EPB41L4A: variants seen among roughly 807,000 people sequenced by gnomAD.
EPB41L4A encodes band 4.1-like protein 4A.
EPB41L4A carries 100 observed loss-of-function variants against 108.6 expected under a neutral mutation model. The ratio of observed to expected loss-of-function variants is 0.92; its 90% CI spans 0.78 to 1.09. The LOEUF is 1.09. EPB41L4A is among the 50% of genes least tolerant of loss of function. The pLI, the probability that EPB41L4A is intolerant of heterozygous loss-of-function variation, is 0.00. For synonymous variants in EPB41L4A, 319 were observed against 289.0 expected, an observed-to-expected ratio of 1.10 and a Z score of -1.05; for missense variants, 1,030 against 842.7, an observed-to-expected ratio of 1.22 and a Z score of -2.75.
At chr5:112,405,280 C>T (rs1762014383) in intron 1 of EPB41L4A, among the ~76,000 whole-genome samples, 1 of 152,158 alleles carries the variant, frequency 6.6e-6, no homozygotes, top group African/African-American at 2.4e-5. Context: ...GAGGGCTGCC[C>T]ATATCCACCA....
At chr5:112,160,190 A>G (rs915754811), downstream of EPB41L4A, among the ~76,000 whole-genome samples, 1 of 152,104 alleles carries the variant, frequency 6.6e-6, no homozygotes, top group Non-Finnish European at 1.5e-5. Context: ...GATTACAGGC[A>G]TGAGCCACCG....
downstream of EPB41L4A, chr5:112,161,314 G>A: frequency 2.8e-6 from 1 of 361,098 alleles, no homozygotes; most frequent in Non-Finnish European, 5.5e-6. Flanking sequence ...TCACGTTCGT[G>A]CAAGACCAGT....
chr5:112,182,744 G>A (rs1214623523), intron 18 of EPB41L4A, among the ~76,000 whole-genome samples: 1 of 151,864 alleles, frequency 6.6e-6, no homozygotes, highest in Non-Finnish European at 1.5e-5. Flanking sequence ...GCACCTTTTG[G>A]GTAAAGTCCT....
At chr5:112,291,428 A>C (rs1007259479) in intron 2 of EPB41L4A, among the ~76,000 whole-genome samples, 18 of 152,132 alleles carry the variant, frequency 1.2e-4, no homozygotes, top group Admixed American at 7.9e-4. Flanking sequence ...TTTATGATAT[A>C]TATTGGTTTT....
intron 12 of EPB41L4A, among the ~76,000 whole-genome samples, chr5:112,147,955 C>T (rs1759324942): frequency 6.6e-6 from 1 of 151,900 alleles, no homozygotes; most frequent in South Asian, 2.1e-4. Context: ...AGGAGAATTG[C>T]ATGAACCCAG....
downstream of EPB41L4A, among the ~76,000 whole-genome samples, chr5:112,158,845 A>G (rs1018738762): frequency 6.6e-6 from 1 of 151,842 alleles, no homozygotes; most frequent in Admixed American, 6.5e-5. Context: ...GGGAACTACA[A>G]TTCAAAATGA....
Position 112,184,031 on chromosome 5 carries a change from C to A in EPB41L4A, c.1607G>T (p.Arg536Ile). ...GTCCACATACGAACGAGATCTGTGTCTGGATCGCCTGTTGTTGGGGTCGGC... is the reference window on the plus strand; with the variant it reads ...GTCCACATACGAACGAGATCTGTGTATGGATCGCCTGTTGTTGGGGTCGGC... Reference protein sequence around the residue: ...NQADPNNRRSRHRSRSRSPDI... With the variant: ...NQADPNNRRSIHRSRSRSPDI... The change falls in exon 18 of 23, where the codon AGA (arginine) becomes ATA (isoleucine). Residue 536 changes from arginine (R) to isoleucine (I), a missense_variant. Arg to Ile is a moderately conservative substitution (Grantham distance 97). Transcript: ENST00000261486. 6.2e-7 allele frequency: 1 copy of A among 1,614,038 alleles called. No individual in the cohort carries two copies. Among genetic ancestry groups the A allele is most frequent in the Non-Finnish European group, 8.5e-7 (1 of 1,179,942 alleles).
intron 1 of EPB41L4A, among the ~76,000 whole-genome samples, chr5:112,400,328 T>G (rs374370092): frequency 4.2e-5 from 6 of 142,808 alleles, no homozygotes; most frequent in Admixed American, 3.3e-4. Flanking sequence ...CACGTGGGGA[T>G]TACAATTCGA....
intron 19 of EPB41L4A, 115 bp downstream of exon 19, chr5:112,170,830 C>A: frequency 1.1e-6 from 1 of 872,958 alleles, no homozygotes; most frequent in Non-Finnish European, 1.9e-6. Context: ...CACACAGTGG[C>A]AATGGCTTTG....
At chr5:112,213,783 T>G (rs1313038446) in intron 12 of EPB41L4A, among the ~76,000 whole-genome samples, 1 of 152,204 alleles carries the variant, frequency 6.6e-6, no homozygotes, top group Non-Finnish European at 1.5e-5. Flanking sequence ...GAAAAACCAC[T>G]TAGAAGCATT....
At chr5:112,209,077 A>G (rs4958015) in intron 13 of EPB41L4A, among the ~76,000 whole-genome samples, 118,919 of 152,154 alleles carry the variant, frequency 0.78, 47,134 homozygotes, top group East Asian at 1. Flanking sequence ...TATACTCCTC[A>G]AAGTAGCCAC....
At chr5:112,266,860 G>A (rs1179940878) in intron 4 of EPB41L4A, among the ~76,000 whole-genome samples, 1 of 152,166 alleles carries the variant, frequency 6.6e-6, no homozygotes, top group African/African-American at 2.4e-5. Context: ...GTCATGCACT[G>A]TTCTAAACAC....
chr5:112,391,814 A>T (rs1186260116), intron 1 of EPB41L4A, among the ~76,000 whole-genome samples: 1 of 152,196 alleles, frequency 6.6e-6, no homozygotes, highest in Non-Finnish European at 1.5e-5. Flanking sequence ...AAAAAATGTT[A>T]AGGGCAGTCA....
intron 10 of EPB41L4A, among the ~76,000 whole-genome samples, chr5:112,240,334 C>T (rs1471215043): frequency 2.0e-5 from 3 of 152,182 alleles, no homozygotes; most frequent in Non-Finnish European, 2.9e-5. Context: ...CCTTGTACAC[C>T]TAACTGACTT....
upstream of EPB41L4A, chr5:112,419,892 A>C (rs1270655771): frequency 4.4e-6 from 2 of 456,600 alleles, no homozygotes; most frequent in Non-Finnish European, 8.8e-6. Flanking sequence ...GCGGCGGAAT[A>C]CGGCTTCTTC....
intron 1 of EPB41L4A, among the ~76,000 whole-genome samples, chr5:112,347,346 G>A (rs907863101): frequency 6.6e-6 from 1 of 152,202 alleles, no homozygotes; most frequent in Non-Finnish European, 1.5e-5. Flanking sequence ...TAAGGAAAAT[G>A]CAGTAGAATT....
intron 12 of EPB41L4A, among the ~76,000 whole-genome samples, chr5:112,214,697 C>T (rs556346695): frequency 8.5e-5 from 13 of 152,094 alleles, no homozygotes; most frequent in African/African-American, 2.9e-4. Flanking sequence ...ACTCAGGAGG[C>T]GGAGCTTGCA....
At chr5:112,341,761 C>CACACACACACACACAT (rs1757335094) in intron 1 of EPB41L4A, among the ~76,000 whole-genome samples, 1 of 151,702 alleles carries the variant, frequency 6.6e-6, no homozygotes, top group South Asian at 2.1e-4. Context: ...AAAACACACA[C>CACACACACACACACAT]ACACACACAC....
chr5:112,298,756 A>T (rs1233744284), intron 2 of EPB41L4A, among the ~76,000 whole-genome samples: 1 of 152,184 alleles, frequency 6.6e-6, no homozygotes, highest in African/African-American at 2.4e-5. Context: ...GGCAGAATTC[A>T]ACTTGAATCC....
Sources: allele counts gnomAD v4.1 joint callset (sites outside exome capture counted in the v4.1 genomes callset), GRCh38; gene constraint gnomAD v4.1.1; transcripts MANE v1.5; gene names NCBI Gene and HGNC (gene_info 2026-07-23, HGNC 2026-07-21).